PCDHGB2: variants seen among roughly 807,000 people sequenced by gnomAD.
PCDHGB2 encodes protocadherin gamma-B2.
Under a neutral mutation model 59.3 loss-of-function variants are expected in PCDHGB2, and 55 were observed. The observed-to-expected ratio is 0.93, with a 90% CI of 0.75 to 1.16. The LOEUF (loss-of-function observed/expected upper bound fraction) is 1.16. PCDHGB2 is among the 50% of genes most tolerant of loss of function. The pLI, the probability that PCDHGB2 is intolerant of heterozygous loss-of-function variation, is 0.00. For missense variants in PCDHGB2, 1,228 were observed against 1,198.5 expected, an observed-to-expected ratio of 1.02 and a Z score of -0.36; for synonymous variants, 516 against 512.0, an observed-to-expected ratio of 1.01 and a Z score of -0.11.
intron 1 of PCDHGB2, among the ~76,000 whole-genome samples, chr5:141,461,756 C>T (rs887460069): frequency 6.6e-6 from 1 of 151,832 alleles, no homozygotes; most frequent in Non-Finnish European, 1.5e-5. Flanking sequence ...CAGATTCAAG[C>T]GATTCTCCTG....
Position 141,431,732 on chromosome 5 carries a change from G to C in PCDHGB2, c.2422-63075G>C. 1 of 1,614,238 alleles carries C rather than the reference G, an allele frequency of 6.2e-7. No individual in the cohort carries two copies. Among genetic ancestry groups the C allele is most frequent in the Non-Finnish European group, 8.5e-7 (1 of 1,180,046 alleles). On this transcript the variant is annotated intron_variant, in intron 1 of 3. Coordinates refer to ENST00000522605, the MANE Select transcript of PCDHGB2 (RefSeq NM_018923.3). The surrounding 1 kb of genome is among the most constrained non-coding windows in gnomAD (Gnocchi z 4.8). ...GATGGAAGTGCAAGCAATGGATAAT[G>C]CAGGATATTCTGCGCGAGCCAAAGT...
intron 1 of PCDHGB2, among the ~76,000 whole-genome samples, chr5:141,401,330 A>G (rs1377404173): frequency 6.6e-6 from 1 of 152,218 alleles, no homozygotes. Context: ...CAACAAGAGC[A>G]AAACTCCATC....
chr5:141,436,591 G>A (rs903125499), intron 1 of PCDHGB2, among the ~76,000 whole-genome samples: 8 of 152,154 alleles, frequency 5.3e-5, no homozygotes, highest in Non-Finnish European at 1.0e-4. Context: ...TTGAAAGGTC[G>A]TGGTGATGGC....
rs766474451 is a variant in PCDHGB2 at position 141,477,676 on chromosome 5, AT to A, written c.2422-17130del. On this transcript the variant is annotated intron_variant, in intron 1 of 3. Coordinates refer to ENST00000522605, the MANE Select transcript of PCDHGB2 (RefSeq NM_018923.3). This position sits in a 1 kb window ranked among gnomAD's most constrained non-coding sequence, Gnocchi z 4.9. ...TAAATCGTGACAATGGCATAGTGTCATCCTTAGTGCCCCTAGACTATGAGGA... is the reference window on the plus strand; with the variant it reads ...TAAATCGTGACAATGGCATAGTGTCACCTTAGTGCCCCTAGACTATGAGGA... 6.2e-7 allele frequency: 1 copy of A among 1,614,194 alleles called. No homozygotes were observed. The highest frequency in any genetic ancestry group is 2.2e-5 in the East Asian group (1 of 44,886).
In PCDHGB2 at chr5:141,372,623, C is replaced by T. The variant is rs1024329977; in HGVS notation, c.2421+10067C>T. The T allele has an allele frequency of 6.8e-6, 11 of 1,613,878 alleles. No homozygotes were observed. In the Admixed American group the frequency reaches 1.2e-4, roughly 17 times the overall value. ...CTGTACCTGGAGTTCTCCCCACCTA[C>T]AGCGAAAGGACTTTGCCTTATTCCT... is the stretch of plus-strand genomic sequence containing the variant. On this transcript the variant is annotated intron_variant, in intron 1 of 3. Transcript: ENST00000522605.
intron 1 of PCDHGB2, chr5:141,416,673 C>A (rs1259750007): frequency 6.6e-6 from 1 of 151,958 alleles, no homozygotes; most frequent in Non-Finnish European, 1.5e-5. Flanking sequence ...ATATATGCAA[C>A]GAAGGGAAAT....
Position 141,361,847 on chromosome 5 carries a change from G to C in PCDHGB2, c.1712G>C (p.Gly571Ala), listed in dbSNP as rs763425262. ...RVLYPALGPDGSALFDMVPRA... is the reference protein window; with the variant it reads ...RVLYPALGPDASALFDMVPRA... ...CTGTACCCCGCGCTGGGGCCTGATG[G>C]CTCCGCCCTCTTCGATATGGTGCCA... The change falls in exon 1 of 4, where the codon GGC becomes GCC. Residue 571 changes from glycine (G) to alanine (A), a missense_variant. This residue lies in a region of PCDHGB2 where 781 missense variants were observed against 721.6 expected (regional missense o/e 1.08). Coordinates refer to ENST00000522605, the MANE Select transcript of PCDHGB2 (RefSeq NM_018923.3). 5.6e-6 allele frequency: 9 copies of C among 1,612,662 alleles called. No homozygotes were observed.
At chr5:141,374,079 C>A in intron 1 of PCDHGB2, 2 of 1,518,304 alleles carry the variant, frequency 1.3e-6, no homozygotes, top group Non-Finnish European at 1.8e-6. Flanking sequence ...CCTAATAAGC[C>A]AGTAATGGCG....
rs1330713312 is a variant in PCDHGB2 at position 141,414,559 on chromosome 5, T to G, written c.2421+52003T>G. The stretch of plus-strand genomic sequence containing the variant: ...ACCTACCTTCTCTCAAGTCTCCTAC[T>G]TTACCTATATCCCAGAGAACAACGC... On this transcript the variant is annotated intron_variant, in intron 1 of 3. Coordinates refer to ENST00000522605, the MANE Select transcript of PCDHGB2 (RefSeq NM_018923.3). 5.0e-6 allele frequency: 8 copies of G among 1,613,782 alleles called. No homozygotes were observed. The Admixed American group carries it at 1.0e-4, about 20-fold the overall frequency.
In PCDHGB2 at chr5:141,491,731, C is replaced by T. The variant is rs1198438920; in HGVS notation, c.2422-3076C>T. ...GGGCTCGGCGCCGCCCCGGGCGACC[C>T]CTGGGGGCGGCACTGGAGAAGCCGC... On this transcript the variant is annotated intron_variant, in intron 1 of 3. Coordinates refer to ENST00000522605, the MANE Select transcript of PCDHGB2 (RefSeq NM_018923.3). The surrounding 1 kb of genome is among the most constrained non-coding windows in gnomAD (Gnocchi z 6.9). 1 of 1,603,678 alleles carries T rather than the reference C, an allele frequency of 6.2e-7. No homozygotes were observed. Among genetic ancestry groups the T allele is most frequent in the Non-Finnish European group, 8.5e-7 (1 of 1,175,748 alleles).
rs1392769200 is a variant in PCDHGB2, at chr5:141,360,803, G to A, written c.668G>A (p.Ser223Asn). The A allele has an allele frequency of 6.2e-7, 1 of 1,613,926 alleles. No homozygotes were observed. The highest frequency in any genetic ancestry group is 1.7e-5 in the Admixed American group (1 of 60,024). ...TAVDGGDPPQ[S>N]GTTQIRIKVT... Reference sequence around the variant, plus strand: ...GTGGATGGCGGAGACCCACCTCAAAGTGGCACGACCCAAATCCGAATCAAA... The same window carrying A: ...GTGGATGGCGGAGACCCACCTCAAAATGGCACGACCCAAATCCGAATCAAA... The change falls in exon 1 of 4, where the codon AGT (serine) becomes AAT (asparagine). Residue 223 changes from serine to asparagine, a missense_variant. Ser to Asn is a conservative substitution (Grantham distance 46). This residue lies in a region of PCDHGB2 where 781 missense variants were observed against 721.6 expected (regional missense o/e 1.08). Transcript: ENST00000522605.
intron 1 of PCDHGB2, chr5:141,384,214 T>C (rs1305082096): frequency 6.2e-6 from 10 of 1,613,756 alleles, no homozygotes; most frequent in South Asian, 1.1e-5. Flanking sequence ...AACTCACATA[T>C]TCATGCAGGT....
At chr5:141,458,345 G>A (rs1161535708) in intron 1 of PCDHGB2, among the ~76,000 whole-genome samples, 2 of 152,112 alleles carry the variant, frequency 1.3e-5, no homozygotes, top group Non-Finnish European at 2.9e-5. Context: ...GGAGTGGAGA[G>A]TTTAATAAGC....
At chr5:141,365,648 T>C in intron 1 of PCDHGB2, 1 of 1,613,486 alleles carries the variant, frequency 6.2e-7, no homozygotes, top group East Asian at 2.2e-5. Context: ...CCACATCCCC[T>C]TGAAAGTAGC....
rs1308930168 is a variant in PCDHGB2, at chr5:141,489,620, A to G, written c.2422-5187A>G. 2.5e-6 allele frequency: 4 copies of G among 1,614,058 alleles called. No individual in the cohort carries two copies. Among genetic ancestry groups the G allele is most frequent in the South Asian group, 2.2e-5 (2 of 91,072 alleles). The stretch of plus-strand genomic sequence containing the variant: ...GTAGAGGTAGAGATCCTGGATCTCA[A>G]TGACAACTCTCCTAGCTTTGCCACC... On this transcript the variant is annotated intron_variant, in intron 1 of 3. Transcript: ENST00000522605. This position sits in a 1 kb window ranked among gnomAD's most constrained non-coding sequence, Gnocchi z 4.5.
At chr5:141,447,773 T>C (rs2098551408) in intron 1 of PCDHGB2, among the ~76,000 whole-genome samples, 1 of 152,202 alleles carries the variant, frequency 6.6e-6, no homozygotes, top group African/African-American at 2.4e-5. Context: ...AATTATACTT[T>C]AATTGAAAAT....
intron 1 of PCDHGB2, chr5:141,370,513 AGCTGGACAGGGGCTC>A (rs768998364): frequency 2.8e-5 from 45 of 1,613,894 alleles, no homozygotes; most frequent in Non-Finnish European, 3.6e-5. Context: ...ATTCCCGAGG[AGCTGGACAGGGGCTC>A]GCTGGTAGGG....
intron 1 of PCDHGB2, among the ~76,000 whole-genome samples, chr5:141,381,816 C>G (rs1588905035): frequency 8.2e-6 from 1 of 122,550 alleles, no homozygotes. Context: ...TTCTTTCTTT[C>G]TTTCTTCTTC....
chr5:141,401,109 C>G (rs1389316272), intron 1 of PCDHGB2, among the ~76,000 whole-genome samples: 2 of 152,012 alleles, frequency 1.3e-5, no homozygotes, highest in African/African-American at 2.4e-5. Flanking sequence ...TTTGGGAGGC[C>G]GAGGCGGTTG....
Sources: gnomAD v4.1 joint callset for allele counts (sites outside exome capture counted in the v4.1 genomes callset) on GRCh38, gnomAD v4.1.1 for gene constraint, gnomAD v4.1.1 regional missense constraint, Gnocchi (gnomAD v3.1) non-coding constraint, MANE v1.5 for transcripts, NCBI Gene and HGNC (gene_info 2026-07-23, HGNC 2026-07-21) for gene names.